The following TOX variants were observed in gnomAD, a reference collection of about 807,000 sequenced individuals.
TOX encodes the protein thymocyte selection-associated high mobility group box protein TOX.
A neutral mutation model predicts 53.7 loss-of-function variants in TOX; 11 were observed. That is an observed-to-expected ratio of 0.20 (90% confidence interval 0.13 to 0.34). The LOEUF is 0.34. Ranked by LOEUF, TOX falls within the 10% of genes least tolerant of loss-of-function variation. The pLI, the probability that TOX is intolerant of heterozygous loss-of-function variation, is 1.00. For synonymous variants in TOX, 225 were observed against 245.3 expected (o/e 0.92, Z 0.77); for missense variants, 570 against 664.6 (o/e 0.86, Z 1.56).
intron 1 of TOX, among the ~76,000 whole-genome samples, chr8:59,014,563 T>C (rs1030004852): frequency 1.3e-5 from 2 of 152,248 alleles, no homozygotes; most frequent in African/African-American, 4.8e-5. Flanking sequence ...GCTACTGTTA[T>C]ATCAAAACTT....
chr8:58,826,968 T>C (rs1246397300), intron 5 of TOX, 66 bp from the exon 6 acceptor site: 2 of 1,272,638 alleles, frequency 1.6e-6, no homozygotes, highest in East Asian at 2.4e-5. Context: ...AGAAGTACAA[T>C]ATAGAATGAT....
At chr8:59,113,429 G>A (rs1488193714) in intron 1 of TOX, among the ~76,000 whole-genome samples, 2 of 152,144 alleles carry the variant, frequency 1.3e-5, no homozygotes, top group African/African-American at 4.8e-5. Context: ...AGGGGGGATG[G>A]GGAAAGGAAA....
chr8:58,907,469 C>G (rs184339417), intron 3 of TOX, among the ~76,000 whole-genome samples: 2 of 152,040 alleles, frequency 1.3e-5, no homozygotes, highest in Admixed American at 6.6e-5. Context: ...ATGGCGTGCA[C>G]GTGTAATCTC....
chr8:58,985,129 T>C (rs925758084), intron 1 of TOX, among the ~76,000 whole-genome samples: 2 of 149,798 alleles, frequency 1.3e-5, no homozygotes, highest in Admixed American at 6.7e-5. Flanking sequence ...CTCATGTCCA[T>C]AGTCTATATA....
At chr8:58,953,934 G>A (rs763303772) in intron 2 of TOX, among the ~76,000 whole-genome samples, 2 of 151,454 alleles carry the variant, frequency 1.3e-5, no homozygotes, top group Admixed American at 1.3e-4. Flanking sequence ...ACTCTAACCT[G>A]GAGAATTTTC....
rs1395436989 is a variant in TOX at position 58,851,870 on chromosome 8, A to C, written c.412-65T>G. 1 of 1,227,714 alleles carries C rather than the reference A, an allele frequency of 8.1e-7. No homozygotes were observed. The highest frequency in any genetic ancestry group is 1.0e-6 in the Non-Finnish European group (1 of 973,550). The allele number at this position is 1,227,714 out of a possible 1,614,324, so 76.1% of individuals were successfully genotyped here. A position where few individuals can be genotyped will look rare whatever the true frequency, so the allele number is the denominator to read the frequency against. ...AAATAGGAAAGGAGTAATTTTAACA[A>C]ATATGTTTTGGGCAAAAAAGTAATA... On this transcript the variant is annotated intron_variant, in intron 3 of 8. Coordinates refer to ENST00000361421, the MANE Select transcript of TOX (RefSeq NM_014729.3). This position sits in a 1 kb window ranked among gnomAD's most constrained non-coding sequence, Gnocchi z 4.4.
chr8:58,844,508 A>G (rs1810691431), intron 4 of TOX, among the ~76,000 whole-genome samples: 1 of 152,166 alleles, frequency 6.6e-6, no homozygotes, highest in Admixed American at 6.5e-5. Context: ...CCTTATGATG[A>G]CAAGCACATT....
intron 5 of TOX, among the ~76,000 whole-genome samples, chr8:58,827,792 T>C (rs747707627): frequency 1.3e-5 from 2 of 152,192 alleles, no homozygotes; most frequent in Non-Finnish European, 2.9e-5. Context: ...AAATGAAAGA[T>C]TAGCAAAGTG....
intron 3 of TOX, among the ~76,000 whole-genome samples, chr8:58,923,099 T>C (rs575214956): frequency 1.3e-5 from 2 of 152,018 alleles, no homozygotes; most frequent in Admixed American, 6.5e-5. Context: ...GATTTTTTTT[T>C]CTCCTTTTAT....
At chr8:58,949,848 T>A (rs552427751) in intron 2 of TOX, among the ~76,000 whole-genome samples, 2 of 150,708 alleles carry the variant, frequency 1.3e-5, no homozygotes, top group South Asian at 4.2e-4. Context: ...TATATTTTTA[T>A]ATGTGTATAT....
intron 1 of TOX, among the ~76,000 whole-genome samples, chr8:58,972,903 C>A (rs577485431): frequency 6.6e-6 from 1 of 152,216 alleles, no homozygotes; most frequent in South Asian, 2.1e-4. Context: ...CGGAACAGTT[C>A]TGAGCAGAAT....
intron 3 of TOX, among the ~76,000 whole-genome samples, chr8:58,934,402 AC>A (rs1191415355): frequency 2.0e-5 from 3 of 152,212 alleles, no homozygotes; most frequent in Non-Finnish European, 4.4e-5. Flanking sequence ...TACCTTGGAT[AC>A]CTTTTTATCA....
At chr8:59,026,253 C>T (rs1946458) in intron 1 of TOX, among the ~76,000 whole-genome samples, 2,457 of 152,154 alleles carry the variant, frequency 0.016, 65 homozygotes, top group African/African-American at 0.056. Flanking sequence ...TCCCATGTCA[C>T]TGTGATGACC....
chr8:58,892,952 G>A (rs1050297154), intron 3 of TOX, among the ~76,000 whole-genome samples: 5 of 152,142 alleles, frequency 3.3e-5, no homozygotes, highest in Non-Finnish European at 7.3e-5. Context: ...CTACAGAACC[G>A]TGTAATTACC....
intron 3 of TOX, among the ~76,000 whole-genome samples, chr8:58,935,127 T>C (rs560230267): frequency 6.6e-5 from 10 of 152,276 alleles, no homozygotes; most frequent in Non-Finnish European, 1.2e-4. Context: ...CAGAGGCAGA[T>C]ACAAGAGAAT....
intron 3 of TOX, among the ~76,000 whole-genome samples, chr8:58,901,847 C>T (rs1161884647): frequency 6.6e-6 from 1 of 152,070 alleles, no homozygotes; most frequent in Non-Finnish European, 1.5e-5. Flanking sequence ...ACACTGCAAG[C>T]TTTAAAGTAG....
chr8:59,065,295 G>C (rs935320481), intron 1 of TOX, among the ~76,000 whole-genome samples: 6 of 152,062 alleles, frequency 3.9e-5, no homozygotes, highest in African/African-American at 1.4e-4. Context: ...CTTAAAATGG[G>C]CAAAGGAGTA....
chr8:59,028,135 T>A (rs187741689), intron 1 of TOX, among the ~76,000 whole-genome samples: 92 of 152,330 alleles, frequency 6.0e-4, no homozygotes, highest in African/African-American at 2.0e-3. Flanking sequence ...TAATAAGTAA[T>A]TCTTTTTAAT....
intron 3 of TOX, among the ~76,000 whole-genome samples, chr8:58,923,212 G>A (rs1381509122): frequency 6.6e-6 from 1 of 152,176 alleles, no homozygotes; most frequent in African/African-American, 2.4e-5. Flanking sequence ...GGAGGAACAG[G>A]AGTCAGGAGG....
Sources: gnomAD v4.1 joint callset for allele counts (sites outside exome capture counted in the v4.1 genomes callset) on GRCh38, gnomAD v4.1.1 for gene constraint, Gnocchi (gnomAD v3.1) non-coding constraint, MANE v1.5 for transcripts, NCBI Gene and HGNC (gene_info 2026-07-23, HGNC 2026-07-21) for gene names.